Variants in MCTP2 observed in about 807,000 individuals in gnomAD.
The protein encoded by MCTP2 is multiple C2 and transmembrane domain-containing protein 2.
In MCTP2, 132 loss-of-function variants were observed where a neutral mutation model predicts 111.6. The observed-to-expected ratio is 1.18, with a 90% CI of 1.03 to 1.37. The LOEUF is 1.37. MCTP2 is among the 40% of genes most tolerant of loss of function. The pLI is 0.00. For synonymous variants in MCTP2, 395 were observed against 387.7 expected (o/e 1.02, Z -0.22); for missense variants, 1,183 against 1,067.9 (o/e 1.11, Z -1.50).
chr15:94,243,027 C>A lies in MCTP2; in HGVS notation c.-66+11363C>A, dbSNP rs1477517634. On this transcript the variant is annotated intron_variant, in intron 1 of 22. Transcript: ENST00000357742. The stretch of plus-strand genomic sequence containing the variant: ...TACACATACACGTGTATATGTGTAT[C>A]TACACATACACGTGTATATGTGTAT... 2.5e-4 allele frequency among the ~76,000 whole-genome samples: 16 copies of A among 64,502 alleles called. 3 individuals are homozygous for A. The highest frequency in any genetic ancestry group is 1.1e-3 in the African/African-American group (16 of 15,042). The allele number at this position is 64,502 out of a possible 152,430, so 42.3% of individuals were successfully genotyped here.
At chr15:94,254,977 G>T (rs537152737) in intron 1 of MCTP2, among the ~76,000 whole-genome samples, 1 of 152,214 alleles carries the variant, frequency 6.6e-6, no homozygotes, top group South Asian at 2.1e-4. Flanking sequence ...GATGTGTTAC[G>T]CATGGGAAAG....
At chr15:94,453,391 C>T (rs2084592964) in intron 19 of MCTP2, among the ~76,000 whole-genome samples, 1 of 152,204 alleles carries the variant, frequency 6.6e-6, no homozygotes, top group African/African-American at 2.4e-5. Flanking sequence ...ATGAGCTAAT[C>T]CCTTCTTGCT....
At chr15:94,352,738 G>A (rs1240466787) in intron 8 of MCTP2, among the ~76,000 whole-genome samples, 1 of 152,148 alleles carries the variant, frequency 6.6e-6, no homozygotes, top group Non-Finnish European at 1.5e-5. Context: ...AGCTGAGTGA[G>A]TGCAGATGAG....
intron 21 of MCTP2, among the ~76,000 whole-genome samples, chr15:94,475,015 TGTG>T (rs776772678): frequency 7.2e-5 from 11 of 152,212 alleles, no homozygotes; most frequent in African/African-American, 1.2e-4. Flanking sequence ...TGCCGTTCAT[TGTG>T]AAGACTCCAG....
intron 17 of MCTP2, among the ~76,000 whole-genome samples, chr15:94,433,331 T>G (rs1487631863): frequency 6.6e-6 from 1 of 152,194 alleles, no homozygotes; most frequent in Non-Finnish European, 1.5e-5. Context: ...TTAAGGCGAT[T>G]TTTTTGAAAT....
intron 1 of MCTP2, among the ~76,000 whole-genome samples, chr15:94,245,478 A>G (rs9796566): frequency 7.1e-6 from 1 of 140,650 alleles, no homozygotes; most frequent in East Asian, 2.0e-4. Context: ...ATATATGTAT[A>G]TATACATACA....
chr15:94,349,917 A>G (rs150887996), intron 8 of MCTP2, among the ~76,000 whole-genome samples: 66 of 152,176 alleles, frequency 4.3e-4, no homozygotes, highest in African/African-American at 1.6e-3. Context: ...GGCATATGGT[A>G]AGATCTCCAA....
At chr15:94,403,147 C>T (rs1362657866) in intron 17 of MCTP2, 27 of 985,900 alleles carry the variant, frequency 2.7e-5, no homozygotes, top group Non-Finnish European at 3.1e-5. Context: ...TCCACTGCTT[C>T]GGTGTAGAGG....
At position 94,440,313 on chromosome 15, in the gene MCTP2, G is replaced by A. The variant is rs781407109; in HGVS notation, c.2208+15G>A. 11 of 1,612,994 alleles carry A rather than the reference G, an allele frequency of 6.8e-6. No individual in the cohort carries two copies. In the East Asian group the frequency reaches 1.3e-4, roughly 20 times the overall value. The stretch of plus-strand genomic sequence containing the variant: ...AGGACAGCCAGGTAAGCAAGGATTC[G>A]GAGTTCTGACATTTGACTGCCGAGA... On this transcript the variant is annotated intron_variant, in intron 18 of 22. Coordinates refer to ENST00000357742, the MANE Select transcript of MCTP2 (RefSeq NM_001385001.1).
chr15:94,400,066 C>A, intron 16 of MCTP2, 71 bp downstream of exon 16: 1 of 1,313,606 alleles, frequency 7.6e-7, no homozygotes, highest in Non-Finnish European at 1.1e-6. Context: ...TTAACACTTG[C>A]CTGTAATTTC....
Position 94,358,598 on chromosome 15 carries a change from G to C in MCTP2, c.1287G>C (p.Glu429Asp), listed in dbSNP as rs753777108. 6.2e-7 allele frequency: 1 copy of C among 1,613,484 alleles called. No homozygotes were observed. Among genetic ancestry groups the C allele is most frequent in the Non-Finnish European group, 8.5e-7 (1 of 1,179,730 alleles). ...GGGGAAAGGACAACAAAAAGCATGAGGAACGTCTGGGCACGTGAGTCCCCT... is the reference window on the plus strand; with the variant it reads ...GGGGAAAGGACAACAAAAAGCATGACGAACGTCTGGGCACGTGAGTCCCCT... ...EVWGKDNKKH[E>D]ERLGTCKVDI... Residue 429 changes from glutamate to aspartate, a missense_variant, in exon 10 of 23, where the codon GAG becomes GAC. Transcript: ENST00000357742.
chr15:94,474,738 A>G (rs2074210831), intron 21 of MCTP2, among the ~76,000 whole-genome samples: 1 of 152,200 alleles, frequency 6.6e-6, no homozygotes, highest in Admixed American at 6.5e-5. Flanking sequence ...TCCTGTTGAC[A>G]GTCGGTCTCA....
chr15:94,282,551 T>G (rs780828302), intron 1 of MCTP2, among the ~76,000 whole-genome samples: 13 of 152,202 alleles, frequency 8.5e-5, no homozygotes, highest in Non-Finnish European at 1.5e-4. Context: ...TTCAGCCATT[T>G]TAGTCTGGTT....
chr15:94,460,764 G>C (rs2152528979), intron 20 of MCTP2, among the ~76,000 whole-genome samples: 1 of 152,336 alleles, frequency 6.6e-6, no homozygotes, highest in African/African-American at 2.4e-5. Flanking sequence ...TTCAGCCCAT[G>C]AACAGAGTAC....
rs1409029383 is a variant in MCTP2, at chr15:94,481,962, CCTGA to C, written c.*2931_*2934del. The C allele has an allele frequency of 1.3e-5, 2 of 151,928 alleles. No individual in the cohort carries two copies. Among genetic ancestry groups the C allele is most frequent in the African/African-American group, 2.4e-5 (1 of 41,364 alleles). 9.4% of individuals were successfully genotyped at this position (151,928 alleles called of 1,614,324 possible). ...ATTTTGTGTGATATTATTTATAATC[CCTGA>C]CTATGTCAATTATAAACTTTTAAAT... On this transcript the variant is annotated 3_prime_UTR_variant, in exon 23 of 23. Coordinates refer to ENST00000357742, the MANE Select transcript of MCTP2 (RefSeq NM_001385001.1).
intron 12 of MCTP2, among the ~76,000 whole-genome samples, chr15:94,383,058 TTTG>T (rs960311967): frequency 2.6e-5 from 4 of 152,198 alleles, no homozygotes; most frequent in Non-Finnish European, 5.9e-5. Context: ...TTAATTTTTT[TTTG>T]TTAAGTTAAA....
intron 4 of MCTP2, among the ~76,000 whole-genome samples, chr15:94,326,771 T>G (rs1345601220): frequency 6.6e-6 from 1 of 150,562 alleles, no homozygotes; most frequent in Non-Finnish European, 1.5e-5. Context: ...TTTCACCCTG[T>G]TGGCCAGGCT....
chr15:94,411,380 C>T (rs1354228756), intron 17 of MCTP2, among the ~76,000 whole-genome samples: 1 of 151,860 alleles, frequency 6.6e-6, no homozygotes, highest in Non-Finnish European at 1.5e-5. Flanking sequence ...TTTGGGGCTC[C>T]CCATCAGGTG....
chr15:94,245,211 CAT>C (rs1417970898), intron 1 of MCTP2, among the ~76,000 whole-genome samples: 3 of 137,330 alleles, frequency 2.2e-5, no homozygotes, highest in Admixed American at 7.4e-5. Context: ...TATATTTATA[CAT>C]ATGTGTATAT....
Sources: gnomAD v4.1 joint callset for allele counts (sites outside exome capture counted in the v4.1 genomes callset) on GRCh38, gnomAD v4.1.1 for gene constraint, MANE v1.5 for transcripts, NCBI Gene and HGNC (gene_info 2026-07-23, HGNC 2026-07-21) for gene names.